GPR139: variants seen among roughly 807,000 people sequenced by gnomAD.
GPR139 encodes G protein-coupled receptor 139, also known as probable G protein-coupled receptor 139.
In GPR139, 12 loss-of-function variants were observed where a neutral mutation model predicts 25.8. The observed-to-expected ratio is 0.47, with a 90% CI of 0.30 to 0.75. The LOEUF is 0.75. Ranked by LOEUF, GPR139 falls within the 30% of genes least tolerant of loss-of-function variation. GPR139 has a pLI of 0.07. For synonymous variants in GPR139, 184 were observed against 179.9 expected (o/e 1.02, Z -0.18); for missense variants, 380 against 450.2 (o/e 0.84, Z 1.41).
chr16:20,032,312 G>GGGAT lies in GPR139; in HGVS notation c.481_484dup (p.Pro162HisfsTer12). ...CCAGATGTTGGGCCACCAGTAATAGGGGATGCTGGTCAGGAAGCAGGTGAT... is the reference window on the plus strand; with the variant it reads ...CCAGATGTTGGGCCACCAGTAATAGGGGATGGATGCTGGTCAGGAAGCAGGTGAT... On this transcript the variant is annotated frameshift_variant, in exon 2 of 2. Coordinates refer to ENST00000570682, the MANE Select transcript of GPR139 (RefSeq NM_001002911.4). LOFTEE classifies it high-confidence loss of function. The GGGAT allele has an allele frequency of 6.2e-7, 1 of 1,614,176 alleles. No homozygotes were observed. Among genetic ancestry groups the GGGAT allele is most frequent in the Non-Finnish European group, 8.5e-7 (1 of 1,180,018 alleles).
At position 20,032,276 on chromosome 16, in the gene GPR139, T is replaced by G. The variant is rs1001230865; in HGVS notation, c.521A>C (p.Tyr174Ser). Residue 174 changes from tyrosine (Y) to serine (S), a missense_variant, in exon 2 of 2, where the codon TAC becomes TCC. Transcript: ENST00000570682. ...YWWPNIWTED[Y>S]ISTSVHHVLI... ...GACGTGATGCACAGAGGTGCTGATG[T>G]AGTCTTCAGTCCAGATGTTGGGCCA... 1 of 1,614,194 alleles carries G rather than the reference T, an allele frequency of 6.2e-7. No individual in the cohort carries two copies. Among genetic ancestry groups the G allele is most frequent in the Non-Finnish European group, 8.5e-7 (1 of 1,180,032 alleles).
chr16:20,055,166 A>C (rs9933732), intron 1 of GPR139, among the ~76,000 whole-genome samples: 122,691 of 152,204 alleles, frequency 0.81, 50,061 homozygotes, highest in East Asian at 0.97. Context: ...GTGTTCTCAT[A>C]ATTTAGCTTC....
chr16:20,068,669 A>C (rs754757313), intron 1 of GPR139, among the ~76,000 whole-genome samples: 1 of 152,198 alleles, frequency 6.6e-6, no homozygotes, highest in Non-Finnish European at 1.5e-5. Context: ...TGGTGAGAGC[A>C]GTCATCCTTG....
intron 1 of GPR139, among the ~76,000 whole-genome samples, chr16:20,040,596 T>A (rs952681607): frequency 6.6e-6 from 1 of 152,260 alleles, no homozygotes; most frequent in Non-Finnish European, 1.5e-5. Context: ...TGTGCATTTC[T>A]TTTGGATAAA....
rs750639804 is a variant in GPR139 at position 20,031,920 on chromosome 16, G to A, written c.877C>T (p.Arg293Cys). The change falls in exon 2 of 2, where the codon CGC (arginine) becomes TGC (cysteine). Residue 293 changes from arginine (R) to cysteine (C), a missense_variant. Arg to Cys is a radical substitution (Grantham distance 180). Coordinates refer to ENST00000570682, the MANE Select transcript of GPR139 (RefSeq NM_001002911.4). ...TTGAGCGTGGCGGCTGCCATGGTGC[G>A]GAACCGCTTGCTGATGAAGCAGTAG... ...FLYCFISKRF[R>C]TMAAATLKAF... is the part of the protein sequence containing the mutation. 3.1e-5 allele frequency: 50 copies of A among 1,614,106 alleles called. No individual in the cohort carries two copies. In the African/African-American group the frequency reaches 3.3e-4, roughly 11 times the overall value.
At chr16:20,032,782 G>T in intron 1 of GPR139, 113 bp from the exon 2 acceptor site, 1 of 690,414 alleles carries the variant, frequency 1.4e-6, no homozygotes, top group Non-Finnish European at 2.5e-6. Context: ...GAAAATGATT[G>T]AATCAATGCT....
intron 1 of GPR139, among the ~76,000 whole-genome samples, chr16:20,045,124 C>A (rs1351267730): frequency 6.6e-6 from 1 of 151,700 alleles, no homozygotes; most frequent in Non-Finnish European, 1.5e-5. Flanking sequence ...CTCAGCCTCC[C>A]GAGATGCTGG....
intron 1 of GPR139, among the ~76,000 whole-genome samples, chr16:20,049,162 G>T (rs983672655): frequency 6.6e-6 from 1 of 152,154 alleles, no homozygotes; most frequent in South Asian, 2.1e-4. Context: ...ACTTATCACA[G>T]GGCTGTCAAA....
chr16:20,037,561 G>T (rs1364286605), intron 1 of GPR139, among the ~76,000 whole-genome samples: 1 of 152,088 alleles, frequency 6.6e-6, no homozygotes, highest in Admixed American at 6.6e-5. Context: ...CAACAGCCTT[G>T]TGGTGGGAAT....
rs2057466669 is a variant in GPR139, at chr16:20,073,272, A to ACACT, written c.127+217_127+218insAGTG. On this transcript the variant is annotated intron_variant, in intron 1 of 1. Transcript: ENST00000570682. The surrounding 1 kb of genome is among the most constrained non-coding windows in gnomAD (Gnocchi z 4.7). Reference sequence around the variant, plus strand: ...AGTCATCACACACACACACACACACACACACACGCTCGCGCGCGCACACAC... The same window carrying ACACT: ...AGTCATCACACACACACACACACACACACTCACACACGCTCGCGCGCGCACACAC... Among the ~76,000 whole-genome samples the ACACT allele has an allele frequency of 6.9e-6, 1 of 144,074 alleles. No homozygotes were observed. Among genetic ancestry groups the ACACT allele is most frequent in the African/African-American group, 2.5e-5 (1 of 40,710 alleles). The allele number at this position is 144,074 out of a possible 152,430, so 94.5% of individuals were successfully genotyped here.
At position 20,073,585 on chromosome 16, in the gene GPR139, T is replaced by TGCG; in HGVS notation, c.31_32insCGC (p.Asn11delinsThrHis). The TGCG allele has an allele frequency of 6.2e-7, 1 of 1,611,072 alleles. No individual in the cohort carries two copies. The highest frequency in any genetic ancestry group is 8.5e-7 in the Non-Finnish European group (1 of 1,178,966). Reference sequence around the variant, plus strand: ...GGGGGACCACCAAGACAGCGAGCTGTTGGCTGCGAGGTGGGCGTGCGTGTG... The same window carrying TGCG: ...GGGGGACCACCAAGACAGCGAGCTGTGCGTGGCTGCGAGGTGGGCGTGCGTGTG... On this transcript the variant is annotated protein_altering_variant, in exon 1 of 2. Transcript: ENST00000570682. This position sits in a 1 kb window ranked among gnomAD's most constrained non-coding sequence, Gnocchi z 4.7.
chr16:20,056,777 C>T (rs1042255469), intron 1 of GPR139, among the ~76,000 whole-genome samples: 1 of 152,068 alleles, frequency 6.6e-6, no homozygotes, highest in South Asian at 2.1e-4. Context: ...GAAATTGAGC[C>T]CACTTAAGGC....
chr16:20,060,316 G>A (rs1400626486), intron 1 of GPR139, among the ~76,000 whole-genome samples: 2 of 151,718 alleles, frequency 1.3e-5, no homozygotes, highest in African/African-American at 4.8e-5. Flanking sequence ...TCTGTGTGTG[G>A]TGTGTATCTG....
Position 20,032,638 on chromosome 16 carries a change from C to T in GPR139, c.159G>A (p.Gln53=), listed in dbSNP as rs141495504. The T allele has an allele frequency of 1.7e-4, 269 of 1,609,324 alleles. No homozygotes were observed. Among genetic ancestry groups the T allele is most frequent in the South Asian group, 2.4e-4 (22 of 90,996 alleles). The change falls in exon 2 of 2, where the codon CAG becomes CAA. Residue 53 remains glutamine (Q), a synonymous_variant. Coordinates refer to ENST00000570682, the MANE Select transcript of GPR139 (RefSeq NM_001002911.4). ...AGGACTTCTGTCTTCTTGCCACCAG[C>T]TGGGAGAGGATGATCACTGTCAAGA... ...ANILTVIILS[Q]LVARRQKSSY... is the part of the protein sequence containing the mutation.
At chr16:20,043,177 G>A (rs2057342588) in intron 1 of GPR139, among the ~76,000 whole-genome samples, 1 of 152,158 alleles carries the variant, frequency 6.6e-6, no homozygotes, top group Admixed American at 6.5e-5. Flanking sequence ...TCAGCAGCCG[G>A]GCTGCAGGGC....
intron 1 of GPR139, among the ~76,000 whole-genome samples, chr16:20,062,663 T>C (rs2057417972): frequency 6.6e-6 from 1 of 152,134 alleles, no homozygotes; most frequent in Non-Finnish European, 1.5e-5. Flanking sequence ...GTGATTTGCC[T>C]TTTTTTCCTT....
chr16:20,042,587 T>C (rs1430296111), intron 1 of GPR139, among the ~76,000 whole-genome samples: 1 of 152,202 alleles, frequency 6.6e-6, no homozygotes, highest in Non-Finnish European at 1.5e-5. Flanking sequence ...TATTGCATGA[T>C]GATTCAGTTG....
rs1776924120 is a variant in GPR139, at chr16:20,073,050, C to T, written c.127+440G>A. ...GGGGACACGCAGAGGGGCAGAGGTG[C>T]CCCAAGTGGGGTGGACGTGCAGGGG... On this transcript the variant is annotated intron_variant, in intron 1 of 1. Coordinates refer to ENST00000570682, the MANE Select transcript of GPR139 (RefSeq NM_001002911.4). This position sits in a 1 kb window ranked among gnomAD's most constrained non-coding sequence, Gnocchi z 4.7. Among the ~76,000 whole-genome samples, 1 of 152,154 alleles carries T rather than the reference C, an allele frequency of 6.6e-6. No individual in the cohort carries two copies. Among genetic ancestry groups the T allele is most frequent in the Non-Finnish European group, 1.5e-5 (1 of 68,018 alleles).
At position 20,031,708 on chromosome 16, in the gene GPR139, G is replaced by A; in HGVS notation, c.*27C>T. 3 of 1,563,592 alleles carry A rather than the reference G, an allele frequency of 1.9e-6. No individual in the cohort carries two copies. The highest frequency in any genetic ancestry group is 2.6e-6 in the Non-Finnish European group (3 of 1,136,354). On this transcript the variant is annotated 3_prime_UTR_variant, in exon 2 of 2. Coordinates refer to ENST00000570682, the MANE Select transcript of GPR139 (RefSeq NM_001002911.4). ...TTCCCATCTGGAAATGGATTAGACAGAGGCAGTAGTTGCCACACCTATGGA... is the reference window on the plus strand; with the variant it reads ...TTCCCATCTGGAAATGGATTAGACAAAGGCAGTAGTTGCCACACCTATGGA...
Sources: gnomAD v4.1 joint callset for allele counts (sites outside exome capture counted in the v4.1 genomes callset) on GRCh38, gnomAD v4.1.1 for gene constraint, Gnocchi (gnomAD v3.1) non-coding constraint, MANE v1.5 for transcripts, NCBI Gene and HGNC (gene_info 2026-07-23, HGNC 2026-07-21) for gene names.